The following ZHX3 variants were observed in gnomAD, a reference collection of about 807,000 sequenced individuals.
ZHX3 encodes zinc fingers and homeoboxes protein 3.
ZHX3 carries 20 observed loss-of-function variants against 64.5 expected under a neutral mutation model. The observed-to-expected ratio is 0.31, with a 90% CI of 0.22 to 0.45. The LOEUF (loss-of-function observed/expected upper bound fraction) is 0.45. Ranked by LOEUF, ZHX3 falls within the 20% of genes least tolerant of loss-of-function variation. ZHX3 has a pLI of 1.00. For synonymous variants in ZHX3, 423 were observed against 461.6 expected, an observed-to-expected ratio of 0.92 and a Z score of 1.07; for missense variants, 1,041 against 1,195.8, an observed-to-expected ratio of 0.87 and a Z score of 1.91.
chr20:41,295,971 G>C (rs1314706058), intron 1 of ZHX3, among the ~76,000 whole-genome samples: 1 of 152,144 alleles, frequency 6.6e-6, no homozygotes, highest in Non-Finnish European at 1.5e-5. Context: ...TTCTCGTTCA[G>C]TTGGTTGTCC....
At chr20:41,303,541 T>G (rs1028826407) in intron 1 of ZHX3, among the ~76,000 whole-genome samples, 1 of 152,190 alleles carries the variant, frequency 6.6e-6, no homozygotes, top group Non-Finnish European at 1.5e-5. Context: ...AATAGAAGCT[T>G]TTACAAGGGC....
intron 1 of ZHX3, among the ~76,000 whole-genome samples, chr20:41,281,706 GC>G (rs2043684993): frequency 6.6e-6 from 1 of 152,188 alleles, no homozygotes; most frequent in South Asian, 2.1e-4. Flanking sequence ...ATGGAGGCGA[GC>G]ACAACATGAG....
intron 3 of ZHX3, among the ~76,000 whole-genome samples, chr20:41,187,471 G>A (rs1299041438): frequency 6.6e-6 from 1 of 151,988 alleles, no homozygotes; most frequent in Non-Finnish European, 1.5e-5. Context: ...CAAGGTAAGA[G>A]TATAATTTCA....
chr20:41,242,274 T>G (rs1329763973), intron 2 of ZHX3, among the ~76,000 whole-genome samples: 1 of 152,216 alleles, frequency 6.6e-6, no homozygotes, highest in East Asian at 1.9e-4. Context: ...AACCAAGGCT[T>G]GAATGGCTAA....
Position 41,202,287 on chromosome 20 carries a change from T to G in ZHX3, c.2630A>C (p.Gln877Pro), listed in dbSNP as rs2038292666. ...CTCAGCAAACCACTGCTTGACCTGC[T>G]GGGAGCTCATCTGGGTCTTGTCACA... ...NLCDKTQMSS[Q>P]QVKQWFAEKM... is the part of the protein sequence containing the mutation. Residue 877 changes from glutamine (Q) to proline (P), a missense_variant, in exon 3 of 4, where the codon CAG becomes CCG. Gln to Pro is a moderately conservative substitution (Grantham distance 76). Around this residue, in one of 4 missense-constraint regions of ZHX3, gnomAD observed 649 missense variants for 739.8 expected, o/e 0.88. Coordinates refer to ENST00000683867, the MANE Select transcript of ZHX3 (RefSeq NM_001384317.1). The surrounding 1 kb of genome is among the most constrained non-coding windows in gnomAD (Gnocchi z 7.0). The G allele has an allele frequency of 3.1e-6, 5 of 1,614,202 alleles. No homozygotes were observed. The highest frequency in any genetic ancestry group is 4.2e-6 in the Non-Finnish European group (5 of 1,180,028).
In ZHX3 at chr20:41,197,999, CTTTT is replaced by C. The variant is rs11478855; in HGVS notation, c.2860+4054_2860+4057del. On this transcript the variant is annotated intron_variant, in intron 3 of 3. Transcript: ENST00000683867. ...CTCTAAAGTTATCTTAACTAGTGCT[CTTTT>C]TTTTTTTTTTTTTTTTTGTGATGGA... Among the ~76,000 whole-genome samples the C allele has an allele frequency of 5.4e-5, 6 of 110,390 alleles. No individual in the cohort carries two copies. In the Admixed American group the frequency reaches 5.9e-4, roughly 11 times the overall value. The allele number at this position is 110,390 out of a possible 152,430, so 72.4% of individuals were successfully genotyped here.
At chr20:41,261,123 G>A (rs1343471016) in intron 2 of ZHX3, among the ~76,000 whole-genome samples, 3 of 152,172 alleles carry the variant, frequency 2.0e-5, no homozygotes, top group Non-Finnish European at 4.4e-5. Flanking sequence ...CATTAGCAAA[G>A]AGGATCCCTG....
At chr20:41,227,772 TAC>T (rs761394817) in intron 2 of ZHX3, among the ~76,000 whole-genome samples, 2 of 152,192 alleles carry the variant, frequency 1.3e-5, no homozygotes, top group Non-Finnish European at 2.9e-5. Flanking sequence ...GGTTTGTTAT[TAC>T]ATATTGGCTG....
chr20:41,214,691 A>C (rs532304126), intron 2 of ZHX3, among the ~76,000 whole-genome samples: 2 of 152,288 alleles, frequency 1.3e-5, no homozygotes, highest in African/African-American at 4.8e-5. Context: ...TGTATTTTTA[A>C]AGGGGTTAAA....
intron 2 of ZHX3, among the ~76,000 whole-genome samples, chr20:41,244,258 C>A (rs973713452): frequency 9.9e-5 from 15 of 152,062 alleles, no homozygotes; most frequent in African/African-American, 3.6e-4. Context: ...TGGCTAAATG[C>A]GGAGGCTGGG....
intron 1 of ZHX3, among the ~76,000 whole-genome samples, chr20:41,279,923 G>T (rs2043588649): frequency 6.6e-6 from 1 of 152,206 alleles, no homozygotes; most frequent in Non-Finnish European, 1.5e-5. Context: ...GCCCAGGACT[G>T]TCAGGAGAAT....
At chr20:41,312,070 G>A (rs2045153625) in intron 1 of ZHX3, among the ~76,000 whole-genome samples, 1 of 152,196 alleles carries the variant, frequency 6.6e-6, no homozygotes, top group Non-Finnish European at 1.5e-5. Context: ...AGGGGGTAAA[G>A]CCAGCTGGAC....
chr20:41,183,596 T>C lies in ZHX3; in HGVS notation c.*1595A>G, dbSNP rs981188990. ...ACGGTCCCTAAAACACCACCAGTGC[T>C]TCTTGCCCAAAGCCCTTGCCCTCTC... On this transcript the variant is annotated 3_prime_UTR_variant, in exon 4 of 4. Transcript: ENST00000683867. The surrounding 1 kb of genome is among the most constrained non-coding windows in gnomAD (Gnocchi z 5.3). 6 of 152,326 alleles carry C rather than the reference T, an allele frequency of 3.9e-5. No individual in the cohort carries two copies. Among genetic ancestry groups the C allele is most frequent in the Non-Finnish European group, 8.8e-5 (6 of 68,108 alleles). 9.4% of individuals were successfully genotyped at this position (152,326 alleles called of 1,614,324 possible).
chr20:41,303,179 T>C (rs554069451), intron 1 of ZHX3, among the ~76,000 whole-genome samples: 2 of 152,382 alleles, frequency 1.3e-5, no homozygotes, highest in African/African-American at 4.8e-5. Flanking sequence ...GAAGCCAAAC[T>C]GGACACAGGA....
chr20:41,303,071 C>A (rs2044871995), intron 1 of ZHX3, among the ~76,000 whole-genome samples: 1 of 152,232 alleles, frequency 6.6e-6, no homozygotes, highest in Non-Finnish European at 1.5e-5. Flanking sequence ...TCATTTGACA[C>A]ACTTTCATCA....
chr20:41,212,419 G>A lies in ZHX3; in HGVS notation c.-150-7353C>T, dbSNP rs138244053. ...GATGCAGAGAAACTGGAGCCCTCAC[G>A]TATTGCTGATGAAAATGTAAAATGG... On this transcript the variant is annotated intron_variant, in intron 2 of 3. Transcript: ENST00000683867. The surrounding 1 kb of genome is among the most constrained non-coding windows in gnomAD (Gnocchi z 4.3). 3.9e-4 allele frequency among the ~76,000 whole-genome samples: 59 copies of A among 152,240 alleles called. No individual in the cohort carries two copies. The highest frequency in any genetic ancestry group is 3.4e-3 in the Middle Eastern group (1 of 294).
rs1459151462 is a variant in ZHX3, at chr20:41,228,922, T to G, written c.-150-23856A>C. Among the ~76,000 whole-genome samples, 1 of 152,190 alleles carries G rather than the reference T, an allele frequency of 6.6e-6. No homozygotes were observed. Among genetic ancestry groups the G allele is most frequent in the African/African-American group, 2.4e-5 (1 of 41,440 alleles). On this transcript the variant is annotated intron_variant, in intron 2 of 3. Transcript: ENST00000683867. This position sits in a 1 kb window ranked among gnomAD's most constrained non-coding sequence, Gnocchi z 4.6. ...TGGTAAAATACACATAACATAAAAT[T>G]TACCATCTTAATCATTTTTAGGTGG...
chr20:41,255,485 T>C (rs370053552), intron 2 of ZHX3, among the ~76,000 whole-genome samples: 22 of 152,314 alleles, frequency 1.4e-4, no homozygotes, highest in African/African-American at 4.8e-4. Flanking sequence ...ACCAGGTTCG[T>C]AGAGCTAAGT....
At chr20:41,268,172 T>C (rs1005385511) in intron 2 of ZHX3, among the ~76,000 whole-genome samples, 1 of 152,030 alleles carries the variant, frequency 6.6e-6, no homozygotes, top group Non-Finnish European at 1.5e-5. Context: ...CCTAAAGAAG[T>C]TGTACAGAAC....
Sources: gnomAD v4.1 joint callset for allele counts (sites outside exome capture counted in the v4.1 genomes callset) on GRCh38, gnomAD v4.1.1 for gene constraint, gnomAD v4.1.1 regional missense constraint, Gnocchi (gnomAD v3.1) non-coding constraint, MANE v1.5 for transcripts, NCBI Gene and HGNC (gene_info 2026-07-23, HGNC 2026-07-21) for gene names.